LPAR2: variants seen among roughly 807,000 people sequenced by gnomAD.
LPAR2 encodes the protein lysophosphatidic acid receptor 2, also known as G protein-coupled receptor.
A neutral mutation model predicts 15.6 loss-of-function variants in LPAR2; 10 were observed. The ratio of observed to expected loss-of-function variants is 0.64; its 90% CI spans 0.39 to 1.09. The LOEUF (loss-of-function observed/expected upper bound fraction) is 1.09, where lower values mean the gene tolerates loss of function less well. Among genes scored for constraint, LPAR2 ranks in the 50% least tolerant of loss-of-function variants. The pLI, the probability that LPAR2 is intolerant of heterozygous loss-of-function variation, is 0.01. For missense variants in LPAR2, 413 were observed against 484.6 expected (o/e 0.85, Z 1.39); for synonymous variants, 204 against 207.4 (o/e 0.98, Z 0.14).
chr19:19,625,338 C>T (rs547233410), intron 2 of LPAR2, among the ~76,000 whole-genome samples: 9 of 152,110 alleles, frequency 5.9e-5, no homozygotes, highest in Non-Finnish European at 1.3e-4. Context: ...TATGGTGGCA[C>T]ATGCCTGTAG....
chr19:19,626,527 T>C lies in LPAR2; in HGVS notation c.742+16A>G. The C allele has an allele frequency of 1.9e-6, 3 of 1,578,142 alleles. No homozygotes were observed. Among genetic ancestry groups the C allele is most frequent in the Non-Finnish European group, 2.6e-6 (3 of 1,161,088 alleles). ...GGGAAGCAGGGTCCCTGTTGCCCCC[T>C]GGGGGCCCCACTTACCCAGGATGAT... On this transcript the variant is annotated intron_variant, in intron 2 of 2. Coordinates refer to ENST00000407877, the MANE Select transcript of LPAR2 (RefSeq NM_004720.7). The surrounding 1 kb of genome is among the most constrained non-coding windows in gnomAD (Gnocchi z 5.3).
chr19:19,624,523 C>T lies in LPAR2; in HGVS notation c.789G>A (p.Leu263=). 1 of 1,613,082 alleles carries T rather than the reference C, an allele frequency of 6.2e-7. No homozygotes were observed. Among genetic ancestry groups the T allele is most frequent in the Non-Finnish European group, 8.5e-7 (1 of 1,179,432 alleles). The stretch of plus-strand genomic sequence containing the variant: ...TGCAGGACTCACAGCCTAAACCATC[C>T]AGGAGCAGTACCACCTGGCCTGGTG... Residue 263 remains leucine, a synonymous_variant, in exon 3 of 3, where the codon CTG becomes CTA. Coordinates refer to ENST00000407877, the MANE Select transcript of LPAR2 (RefSeq NM_004720.7).
At position 19,623,794 on chromosome 19, in the gene LPAR2, C is replaced by A. The variant is rs2144811894; in HGVS notation, c.*462G>T. On this transcript the variant is annotated 3_prime_UTR_variant, in exon 3 of 3. Transcript: ENST00000407877. ...AACCTTTCCCAGCTCACACTCTGCA[C>A]CCCTCAGTCTCTGCTGCTAAAGAAT... is the stretch of plus-strand genomic sequence containing the variant. The A allele has an allele frequency of 6.0e-6, 1 of 165,498 alleles. No individual in the cohort carries two copies. The highest frequency in any genetic ancestry group is 1.7e-4 in the East Asian group (1 of 5,926). 10.3% of individuals were successfully genotyped at this position (165,498 alleles called of 1,614,324 possible).
At chr19:19,625,443 A>G (rs2061734943) in intron 2 of LPAR2, among the ~76,000 whole-genome samples, 1 of 151,878 alleles carries the variant, frequency 6.6e-6, no homozygotes, top group Non-Finnish European at 1.5e-5. Context: ...AATCCAGCCT[A>G]GGCAAGAGTA....
Position 19,626,521 on chromosome 19 carries a change from G to GC in LPAR2, c.742+21dup. The GC allele has an allele frequency of 1.3e-6, 2 of 1,568,948 alleles. No homozygotes were observed. The highest frequency in any genetic ancestry group is 1.7e-6 in the Non-Finnish European group (2 of 1,156,986). On this transcript the variant is annotated intron_variant, in intron 2 of 2. Transcript: ENST00000407877. This position sits in a 1 kb window ranked among gnomAD's most constrained non-coding sequence, Gnocchi z 5.3. ...GATAGGGGGAAGCAGGGTCCCTGTT[G>GC]CCCCCTGGGGGCCCCACTTACCCAG...
In LPAR2 at chr19:19,624,276, G is replaced by A; in HGVS notation, c.1036C>T (p.Leu346=). 6.2e-7 allele frequency: 1 copy of A among 1,609,020 alleles called. No homozygotes were observed. The highest frequency in any genetic ancestry group is 1.3e-5 in the African/African-American group (1 of 74,964). Residue 346 remains leucine (L), a synonymous_variant, in exon 3 of 3, where the codon CTG becomes TTG. Transcript: ENST00000407877. ...GGTAGCTAAAGGGTGGAGTCCATCA[G>A]TGGGTGGCCGTTCTCGGGAAGCATG...
chr19:19,626,958 G>T lies in LPAR2; in HGVS notation c.327C>A (p.Gly109=). Residue 109 remains glycine (G), a synonymous_variant, in exon 2 of 3, where the codon GGC becomes GGA. Coordinates refer to ENST00000407877, the MANE Select transcript of LPAR2 (RefSeq NM_004720.7). The surrounding 1 kb of genome is among the most constrained non-coding windows in gnomAD (Gnocchi z 5.3). ...ACGCAGTGAGGCTTGTGTCCAGCAAGCCCTGCCGCAGGAACCAGCCCTCAA... is the reference window on the plus strand; with the variant it reads ...ACGCAGTGAGGCTTGTGTCCAGCAATCCCTGCCGCAGGAACCAGCCCTCAA... The T allele has an allele frequency of 6.2e-7, 1 of 1,610,460 alleles. No homozygotes were observed. The highest frequency in any genetic ancestry group is 1.1e-5 in the South Asian group (1 of 90,720).
chr19:19,624,020 G>GA lies in LPAR2; in HGVS notation c.*235dup. On this transcript the variant is annotated 3_prime_UTR_variant, in exon 3 of 3. Coordinates refer to ENST00000407877, the MANE Select transcript of LPAR2 (RefSeq NM_004720.7). ...CAAACCCCCTAAACCTGAGATGGCT[G>GA]AAGAGCCAGATTCCTGCACCCCATC... The GA allele has an allele frequency of 3.6e-6, 2 of 560,170 alleles. No individual in the cohort carries two copies. The highest frequency in any genetic ancestry group is 6.1e-5 in the Admixed American group (2 of 32,752). 34.7% of individuals were successfully genotyped at this position (560,170 alleles called of 1,614,324 possible). A position where few individuals can be genotyped will look rare whatever the true frequency, so the allele number is the denominator to read the frequency against.
At position 19,627,652 on chromosome 19, in the gene LPAR2, T is replaced by G; in HGVS notation, c.1-368A>C. ...GGAGGGTTAGGGAAAGACAAAGGGG[T>G]GTGAGCTGCGGGAAGAGATGAGGGA... On this transcript the variant is annotated intron_variant, in intron 1 of 2. Coordinates refer to ENST00000407877, the MANE Select transcript of LPAR2 (RefSeq NM_004720.7). This position sits in a 1 kb window ranked among gnomAD's most constrained non-coding sequence, Gnocchi z 4.7. 1 of 283,648 alleles carries G rather than the reference T, an allele frequency of 3.5e-6. No individual in the cohort carries two copies. Among genetic ancestry groups the G allele is most frequent in the Non-Finnish European group, 6.9e-6 (1 of 145,536 alleles). The allele number at this position is 283,648 out of a possible 1,614,324, so 17.6% of individuals were successfully genotyped here. A position where few individuals can be genotyped will look rare whatever the true frequency, so the allele number is the denominator to read the frequency against.
At position 19,624,526 on chromosome 19, in the gene LPAR2, G is replaced by A; in HGVS notation, c.786C>T (p.Leu262=). The A allele has an allele frequency of 4.3e-6, 7 of 1,612,848 alleles. No individual in the cohort carries two copies. Among genetic ancestry groups the A allele is most frequent in the Non-Finnish European group, 5.9e-6 (7 of 1,179,216 alleles). ...AGGACTCACAGCCTAAACCATCCAG[G>A]AGCAGTACCACCTGGCCTGGTGTCC... The change falls in exon 3 of 3, where the codon CTC becomes CTT. Residue 262 remains leucine, a synonymous_variant. Coordinates refer to ENST00000407877, the MANE Select transcript of LPAR2 (RefSeq NM_004720.7).
Position 19,626,590 on chromosome 19 carries a change from T to TA in LPAR2, c.694dup (p.Tyr232LeufsTer38), listed in dbSNP as rs2061741019. On this transcript the variant is annotated frameshift_variant, in exon 2 of 3. Transcript: ENST00000407877. LOFTEE classifies it high-confidence loss of function. This position sits in a 1 kb window ranked among gnomAD's most constrained non-coding sequence, Gnocchi z 5.3. ...GACCAGGCTGAGCGTGGTCTCTCGGTAGCGGGGGTGGCAGCTGACATGCTC... is the reference window on the plus strand; with the variant it reads ...GACCAGGCTGAGCGTGGTCTCTCGGTAAGCGGGGGTGGCAGCTGACATGCTC... The TA allele has an allele frequency of 1.9e-6, 3 of 1,612,778 alleles. No homozygotes were observed. The highest frequency in any genetic ancestry group is 2.5e-6 in the Non-Finnish European group (3 of 1,179,852).
rs1430041180 is a variant in LPAR2, at chr19:19,626,850, G to C, written c.435C>G (p.Gly145=). Reference sequence around the variant, plus strand: ...CGCCCACAATGAGCATGACCACGCGGCCACGGGGCAGGCGGCTGTGCAGCT... The same window carrying C: ...CGCCCACAATGAGCATGACCACGCGCCCACGGGGCAGGCGGCTGTGCAGCT... The change falls in exon 2 of 3, where the codon GGC becomes GGG. Residue 145 remains glycine (G), a synonymous_variant. Transcript: ENST00000407877. This position sits in a 1 kb window ranked among gnomAD's most constrained non-coding sequence, Gnocchi z 5.3. The C allele has an allele frequency of 9.4e-6, 15 of 1,593,970 alleles. No individual in the cohort carries two copies. Among genetic ancestry groups the C allele is most frequent in the Non-Finnish European group, 8.5e-7 (1 of 1,170,988 alleles).
In LPAR2 at chr19:19,627,378, G is replaced by A; in HGVS notation, c.1-94C>T. 1 of 1,320,074 alleles carries A rather than the reference G, an allele frequency of 7.6e-7. No individual in the cohort carries two copies. The highest frequency in any genetic ancestry group is 1.0e-6 in the Non-Finnish European group (1 of 959,258). The allele number at this position is 1,320,074 out of a possible 1,614,324, so 81.8% of individuals were successfully genotyped here. A position where few individuals can be genotyped will look rare whatever the true frequency, so the allele number is the denominator to read the frequency against. On this transcript the variant is annotated intron_variant, in intron 1 of 2. Coordinates refer to ENST00000407877, the MANE Select transcript of LPAR2 (RefSeq NM_004720.7). The surrounding 1 kb of genome is among the most constrained non-coding windows in gnomAD (Gnocchi z 4.7). ...AGGAGGGTCAGCGCAGGAAGGACAA[G>A]GGTCTCAAATTCAGATACCTCGAAG...
rs2061731465 is a variant in LPAR2, at chr19:19,624,686, T to C, written c.743-117A>G. ...CGAGCAATAGTGGTGAAGTTTGCAG[T>C]GCAAGAGCTGCTTGTTTCCCTGATT... is the stretch of plus-strand genomic sequence containing the variant. On this transcript the variant is annotated intron_variant, in intron 2 of 2. Transcript: ENST00000407877. 4.0e-6 allele frequency: 3 copies of C among 753,694 alleles called. No individual in the cohort carries two copies. In the East Asian group the frequency reaches 8.0e-5, roughly 20 times the overall value. 46.7% of individuals were successfully genotyped at this position (753,694 alleles called of 1,614,324 possible).
In LPAR2 at chr19:19,626,707, C is replaced by A. The variant is rs1046241077; in HGVS notation, c.578G>T (p.Trp193Leu). 1 of 1,613,574 alleles carries A rather than the reference C, an allele frequency of 6.2e-7. No individual in the cohort carries two copies. Among genetic ancestry groups the A allele is most frequent in the Non-Finnish European group, 8.5e-7 (1 of 1,180,020 alleles). Reference sequence around the variant, plus strand: ...GAAGACAAGCAGGCTCGACAGAGCCCAGACGGCCAAATAGGAGCGGCTGAG... The same window carrying A: ...GAAGACAAGCAGGCTCGACAGAGCCAAGACGGCCAAATAGGAGCGGCTGAG... The change falls in exon 2 of 3, where the codon TGG becomes TTG. Residue 193 changes from tryptophan to leucine, a missense_variant. Coordinates refer to ENST00000407877, the MANE Select transcript of LPAR2 (RefSeq NM_004720.7). This position sits in a 1 kb window ranked among gnomAD's most constrained non-coding sequence, Gnocchi z 5.3.
Position 19,626,308 on chromosome 19 carries a change from C to T in LPAR2, c.742+235G>A, listed in dbSNP as rs777913235. ...CTTTCCTCTTTAGAGGCTCTGGCCT[C>T]GTACTGCCTTGAGGTTTTTACTTTC... is the stretch of plus-strand genomic sequence containing the variant. On this transcript the variant is annotated intron_variant, in intron 2 of 2. Transcript: ENST00000407877. This position sits in a 1 kb window ranked among gnomAD's most constrained non-coding sequence, Gnocchi z 5.3. Among the ~76,000 whole-genome samples the T allele has an allele frequency of 1.3e-5, 2 of 152,240 alleles. No individual in the cohort carries two copies. Among genetic ancestry groups the T allele is most frequent in the African/African-American group, 2.4e-5 (1 of 41,476 alleles).
intron 1 of LPAR2, 39 bp downstream of exon 1, chr19:19,628,053 G>T (rs2061752907): frequency 6.6e-6 from 1 of 152,506 alleles, no homozygotes; most frequent in Non-Finnish European, 1.5e-5. Context: ...CCCGGGCCCA[G>T]GCCCGCACCC....
At position 19,626,799 on chromosome 19, in the gene LPAR2, C is replaced by A; in HGVS notation, c.486G>T (p.Gly162=). The A allele has an allele frequency of 6.2e-7, 1 of 1,602,650 alleles. No individual in the cohort carries two copies. The highest frequency in any genetic ancestry group is 8.5e-7 in the Non-Finnish European group (1 of 1,175,094). ...AGTGCCAGGAGTGGGCAGGCAGCAG[C>A]CCCAGGCCCAGGGCAGCCACCCACA... is the stretch of plus-strand genomic sequence containing the variant. The change falls in exon 2 of 3, where the codon GGG becomes GGT. Residue 162 remains glycine (G), a synonymous_variant. Transcript: ENST00000407877. The surrounding 1 kb of genome is among the most constrained non-coding windows in gnomAD (Gnocchi z 5.3).
chr19:19,624,653 C>T, intron 2 of LPAR2, 84 bp from the exon 3 acceptor site: 1 of 1,145,226 alleles, frequency 8.7e-7, no homozygotes. Flanking sequence ...GGAGTGGTCT[C>T]CAGAGCTCGA....
Sources: allele counts gnomAD v4.1 joint callset (sites outside exome capture counted in the v4.1 genomes callset), GRCh38; gene constraint gnomAD v4.1.1; non-coding constraint Gnocchi (gnomAD v3.1); transcripts MANE v1.5; gene names NCBI Gene and HGNC (gene_info 2026-07-23, HGNC 2026-07-21).